Variants in PCDH15 observed in about 807,000 individuals in gnomAD.
The protein encoded by PCDH15 is protocadherin-15.
Under a neutral mutation model 178.5 loss-of-function variants are expected in PCDH15, and 129 were observed. That is an observed-to-expected ratio of 0.72 (90% CI 0.63 to 0.84). The LOEUF is 0.84. Among genes scored for constraint, PCDH15 ranks in the 40% least tolerant of loss-of-function variants. PCDH15 has a pLI of 0.00. For synonymous variants in PCDH15, 800 were observed against 732.0 expected (o/e 1.09, Z -1.50); for missense variants, 2,230 against 2,099.9 (o/e 1.06, Z -1.21).
At chr10:53,955,021 C>T (rs1211133328) in intron 23 of PCDH15, among the ~76,000 whole-genome samples, 3 of 152,144 alleles carry the variant, frequency 2.0e-5, no homozygotes, top group Non-Finnish European at 4.4e-5. Flanking sequence ...CCTTTTTCCT[C>T]AACAACTGAG....
chr10:55,540,678 C>T (rs1841739390), intron 2 of PCDH15, among the ~76,000 whole-genome samples: 1 of 151,950 alleles, frequency 6.6e-6, no homozygotes, highest in Non-Finnish European at 1.5e-5. Flanking sequence ...AGGCTTTCCT[C>T]GAATAACTAA....
At chr10:54,858,720 GGTTT>G (rs1452298537) in intron 3 of PCDH15, among the ~76,000 whole-genome samples, 5 of 151,368 alleles carry the variant, frequency 3.3e-5, no homozygotes, top group East Asian at 1.9e-4. Flanking sequence ...ATCCTACCTA[GGTTT>G]GTTTTATAAA....
chr10:55,189,373 T>C (rs778005579), intron 1 of PCDH15, among the ~76,000 whole-genome samples: 5 of 151,926 alleles, frequency 3.3e-5, no homozygotes, highest in African/African-American at 4.8e-5. Context: ...TGTTCAACAA[T>C]CTGTCTGCCC....
chr10:54,421,546 G>C (rs1420406477), intron 3 of PCDH15, among the ~76,000 whole-genome samples: 2 of 135,478 alleles, frequency 1.5e-5, no homozygotes, highest in African/African-American at 5.2e-5. Context: ...AAAAGAAGTA[G>C]TATGTTAACT....
chr10:55,146,804 A>G (rs549834869), intron 2 of PCDH15, among the ~76,000 whole-genome samples: 6 of 151,990 alleles, frequency 3.9e-5, no homozygotes, highest in African/African-American at 1.4e-4. Context: ...TGACTAAAAA[A>G]CTACAAATAA....
chr10:55,422,187 C>T (rs2132046760), intron 2 of PCDH15, among the ~76,000 whole-genome samples: 2 of 151,944 alleles, frequency 1.3e-5, no homozygotes, highest in South Asian at 4.1e-4. Flanking sequence ...TGCCTATTTT[C>T]TGGACGTTTT....
intron 3 of PCDH15, among the ~76,000 whole-genome samples, chr10:54,427,636 G>C (rs1956452986): frequency 6.6e-6 from 1 of 151,962 alleles, no homozygotes; most frequent in Admixed American, 6.5e-5. Context: ...ATACAGTGTA[G>C]GGTCATTTAA....
chr10:55,464,347 T>C (rs1839783009), intron 2 of PCDH15, among the ~76,000 whole-genome samples: 2 of 152,056 alleles, frequency 1.3e-5, no homozygotes, highest in African/African-American at 4.8e-5. Flanking sequence ...TACATTTATA[T>C]TGTCATTTTG....
rs547457053 is a variant in PCDH15, at chr10:54,195,206, G to A, written c.1305+477C>T. ...AAGACAATGATTTGTGGAGTGAAGC[G>A]TAAGCATCCACATAGTCACTGGCAG... is the stretch of plus-strand genomic sequence containing the variant. On this transcript the variant is annotated intron_variant, in intron 11 of 37. Coordinates refer to ENST00000644397, the MANE Select transcript of PCDH15 (RefSeq NM_001384140.1). Among the ~76,000 whole-genome samples, 10 of 152,244 alleles carry A rather than the reference G, an allele frequency of 6.6e-5. No homozygotes were observed. The South Asian group carries it at 1.9e-3, about 28-fold the overall frequency.
At chr10:54,319,791 A>AG (rs2061484680) in intron 7 of PCDH15, among the ~76,000 whole-genome samples, 1 of 151,968 alleles carries the variant, frequency 6.6e-6, no homozygotes, top group Admixed American at 6.6e-5. Flanking sequence ...CCAATTAAAA[A>AG]AAAAGTCCCT....
At chr10:55,482,956 G>A in intron 2 of PCDH15, among the ~76,000 whole-genome samples, 1 of 151,518 alleles carries the variant, frequency 6.6e-6, no homozygotes, top group Non-Finnish European at 1.5e-5. Flanking sequence ...CAGGTGCTGG[G>A]ATGATTGGCT....
At chr10:54,425,089 T>A (rs1022869549) in intron 3 of PCDH15, among the ~76,000 whole-genome samples, 1 of 151,900 alleles carries the variant, frequency 6.6e-6, no homozygotes, top group African/African-American at 2.4e-5. Flanking sequence ...GGATACCAGA[T>A]GTAAACATCC....
chr10:54,759,617 T>C (rs1357523793), intron 1 of PCDH15, among the ~76,000 whole-genome samples: 1 of 152,232 alleles, frequency 6.6e-6, no homozygotes, highest in Non-Finnish European at 1.5e-5. Context: ...GCATTATTTG[T>C]CTTTCGGCAG....
chr10:53,830,911 C>A (rs1202800010), intron 30 of PCDH15, among the ~76,000 whole-genome samples: 1 of 152,214 alleles, frequency 6.6e-6, no homozygotes, highest in Non-Finnish European at 1.5e-5. Flanking sequence ...CCTATCATGA[C>A]AATGTCGCGA....
chr10:55,225,607 A>ATG (rs1361286862), intron 1 of PCDH15, among the ~76,000 whole-genome samples: 4 of 148,134 alleles, frequency 2.7e-5, no homozygotes, highest in South Asian at 2.2e-4. Context: ...CGATTGTGGG[A>ATG]TGTGTGTGTG....
chr10:53,964,370 A>G (rs369619975), intron 21 of PCDH15, among the ~76,000 whole-genome samples: 7 of 50,484 alleles, frequency 1.4e-4, no homozygotes, highest in African/African-American at 5.2e-4. Context: ...TTTTATTTAT[A>G]AAAAAATTTA....
intron 1 of PCDH15, among the ~76,000 whole-genome samples, chr10:55,220,618 G>T (rs1281609826): frequency 1.3e-5 from 2 of 151,984 alleles, no homozygotes; most frequent in African/African-American, 4.8e-5. Flanking sequence ...ACTAAATGTT[G>T]TAAGCAATTA....
chr10:54,307,075 T>A (rs867237398), intron 8 of PCDH15, among the ~76,000 whole-genome samples: 1 of 9,622 alleles, frequency 1.0e-4, no homozygotes. Context: ...TATATATATA[T>A]ATATACATAT....
intron 2 of PCDH15, among the ~76,000 whole-genome samples, chr10:55,155,318 G>A (rs997491239): frequency 3.3e-5 from 5 of 151,770 alleles, no homozygotes; most frequent in Admixed American, 6.6e-5. Flanking sequence ...TTATTTATAT[G>A]TTCTCTGTTT....
Sources: gnomAD v4.1 joint callset for allele counts (sites outside exome capture counted in the v4.1 genomes callset) on GRCh38, gnomAD v4.1.1 for gene constraint, MANE v1.5 for transcripts, NCBI Gene and HGNC (gene_info 2026-07-23, HGNC 2026-07-21) for gene names.